MYH10: variants seen among roughly 807,000 people sequenced by gnomAD.
MYH10 encodes the protein myosin heavy chain 10.
In MYH10, 55 loss-of-function variants were observed where a neutral mutation model predicts 257.8. That is an observed-to-expected ratio of 0.21 (90% CI 0.17 to 0.27). The LOEUF is 0.27. Ranked by LOEUF, MYH10 falls within the 10% of genes least tolerant of loss-of-function variation. The probability of loss-of-function intolerance (pLI) is 1.00; values close to 1 mark genes in which losing one functional copy is unlikely to be tolerated. For synonymous variants in MYH10, 854 were observed against 921.7 expected (o/e 0.93, Z 1.33); for missense variants, 1,631 against 2,500.6 (o/e 0.65, Z 7.42).
rs915871160 is a variant in MYH10 at position 8,514,647 on chromosome 17, C to A, written c.2505-753G>T. ...TCAACCCCCCTCCTGCCAAAAACAA[C>A]CCCCAGGCCCAAATGAAGCTCATTA... On this transcript the variant is annotated intron_variant, in intron 21 of 42. Coordinates refer to ENST00000360416, the MANE Select transcript of MYH10 (RefSeq NM_001256012.3). Among the ~76,000 whole-genome samples the A allele has an allele frequency of 2.6e-5, 4 of 151,804 alleles. No individual in the cohort carries two copies. The South Asian group carries it at 6.3e-4, about 24-fold the overall frequency.
intron 37 of MYH10, among the ~76,000 whole-genome samples, chr17:8,483,875 C>G (rs1270640586): frequency 6.6e-6 from 1 of 152,204 alleles, no homozygotes; most frequent in Non-Finnish European, 1.5e-5. Context: ...AGAAGGTGGC[C>G]TGAAAAGCTA....
intron 35 of MYH10, among the ~76,000 whole-genome samples, chr17:8,488,573 A>G (rs552173840): frequency 6.6e-6 from 1 of 152,352 alleles, no homozygotes; most frequent in East Asian, 1.9e-4. Flanking sequence ...CTCAGCGAGC[A>G]AAGAAAGGTC....
chr17:8,625,863 T>C (rs2085655215), intron 1 of MYH10, among the ~76,000 whole-genome samples: 1 of 152,142 alleles, frequency 6.6e-6, no homozygotes, highest in South Asian at 2.1e-4. Flanking sequence ...CAACCATTGC[T>C]CCAAAGTTCT....
chr17:8,617,506 A>G (rs1308027259), intron 2 of MYH10, among the ~76,000 whole-genome samples: 1 of 152,212 alleles, frequency 6.6e-6, no homozygotes, highest in Non-Finnish European at 1.5e-5. Flanking sequence ...ACCTCGTTTG[A>G]GAGCCTTCTG....
intron 6 of MYH10, 135 bp downstream of exon 6, chr17:8,576,508 A>C (rs934953305): frequency 2.3e-6 from 2 of 853,630 alleles, no homozygotes; most frequent in African/African-American, 1.7e-5. Context: ...CTAAGCAATA[A>C]ATTTTCAAAA....
chr17:8,549,345 A>G (rs1165722271), intron 9 of MYH10, among the ~76,000 whole-genome samples: 1 of 152,202 alleles, frequency 6.6e-6, no homozygotes, highest in African/African-American at 2.4e-5. Flanking sequence ...TGCCTTTAGA[A>G]TGATGATGTG....
intron 36 of MYH10, 116 bp downstream of exon 36, chr17:8,487,317 A>AC (rs1914999711): frequency 1.6e-6 from 2 of 1,256,542 alleles, no homozygotes; most frequent in Non-Finnish European, 2.3e-6. Context: ...CTGCTGCCCC[A>AC]CCCCCGGCCA....
chr17:8,475,144 A>C lies in MYH10; in HGVS notation c.*660T>G, dbSNP rs1912313534. The C allele has an allele frequency of 6.5e-6, 1 of 152,696 alleles. No homozygotes were observed. Among genetic ancestry groups the C allele is most frequent in the South Asian group, 2.1e-4 (1 of 4,844 alleles). The allele number at this position is 152,696 out of a possible 1,614,324, so 9.5% of individuals were successfully genotyped here. A position where few individuals can be genotyped will look rare whatever the true frequency, so the allele number is the denominator to read the frequency against. On this transcript the variant is annotated 3_prime_UTR_variant, in exon 43 of 43. Coordinates refer to ENST00000360416, the MANE Select transcript of MYH10 (RefSeq NM_001256012.3). The stretch of plus-strand genomic sequence containing the variant: ...GACCAGCCCTCGCCAAGGCCAGTTC[A>C]CATGAGTAGATGCGGGACACCATCG...
intron 6 of MYH10, among the ~76,000 whole-genome samples, chr17:8,575,221 G>A (rs2083462932): frequency 6.6e-6 from 1 of 151,796 alleles, no homozygotes; most frequent in Admixed American, 6.6e-5. Context: ...CATACAACAG[G>A]GATCCACTCT....
chr17:8,566,174 A>G (rs1406872753), intron 7 of MYH10, among the ~76,000 whole-genome samples: 2 of 152,178 alleles, frequency 1.3e-5, no homozygotes, highest in South Asian at 2.1e-4. Context: ...GGAACCTCCA[A>G]TTAAGAACCA....
chr17:8,563,649 C>T (rs543064673), intron 7 of MYH10, among the ~76,000 whole-genome samples: 6 of 152,240 alleles, frequency 3.9e-5, no homozygotes, highest in African/African-American at 7.2e-5. Flanking sequence ...TTCAGGTAAA[C>T]GTTTGGTTAG....
chr17:8,563,984 G>A (rs1400129809), intron 7 of MYH10, among the ~76,000 whole-genome samples: 1 of 152,088 alleles, frequency 6.6e-6, no homozygotes, highest in Non-Finnish European at 1.5e-5. Context: ...CTAAAACTCT[G>A]TGAGGGAAGA....
At chr17:8,593,631 T>C (rs895901319) in intron 3 of MYH10, among the ~76,000 whole-genome samples, 3 of 152,168 alleles carry the variant, frequency 2.0e-5, no homozygotes, top group Admixed American at 2.0e-4. Context: ...ATAAATCTGA[T>C]GAAGTATACG....
At chr17:8,485,314 G>A (rs934731546) in intron 36 of MYH10, among the ~76,000 whole-genome samples, 5 of 151,904 alleles carry the variant, frequency 3.3e-5, no homozygotes, top group Middle Eastern at 6.8e-3. Context: ...ACTACAAAAC[G>A]TCACTGAAAA....
intron 7 of MYH10, among the ~76,000 whole-genome samples, chr17:8,564,551 G>C (rs1210970803): frequency 6.6e-6 from 1 of 152,184 alleles, no homozygotes; most frequent in Non-Finnish European, 1.5e-5. Flanking sequence ...ATCATGACAT[G>C]CCGTTGAAAA....
chr17:8,581,816 A>G (rs1205462754), intron 4 of MYH10, among the ~76,000 whole-genome samples: 1 of 152,246 alleles, frequency 6.6e-6, no homozygotes, highest in African/African-American at 2.4e-5. Flanking sequence ...TTGAATTACT[A>G]AACTTTATGA....
intron 36 of MYH10, among the ~76,000 whole-genome samples, chr17:8,486,715 C>T (rs544845397): frequency 2.1e-5 from 3 of 142,392 alleles, no homozygotes; most frequent in African/African-American, 5.2e-5. Flanking sequence ...CAAGTCAAAC[C>T]GTCCTACACC....
intron 30 of MYH10, among the ~76,000 whole-genome samples, chr17:8,496,247 T>A (rs1434185877): frequency 6.6e-6 from 1 of 152,202 alleles, no homozygotes; most frequent in African/African-American, 2.4e-5. Flanking sequence ...TTCTCGCTAG[T>A]CCTCGTCACA....
intron 6 of MYH10, among the ~76,000 whole-genome samples, chr17:8,575,536 C>T (rs957298957): frequency 2.0e-5 from 3 of 152,068 alleles, no homozygotes; most frequent in African/African-American, 7.3e-5. Flanking sequence ...AAAAGGACAT[C>T]ATAGGCCTTC....
Sources: gnomAD v4.1 joint callset for allele counts (sites outside exome capture counted in the v4.1 genomes callset) on GRCh38, gnomAD v4.1.1 for gene constraint, MANE v1.5 for transcripts, NCBI Gene and HGNC (gene_info 2026-07-23, HGNC 2026-07-21) for gene names.